The following BAIAP2L2 variants were observed in gnomAD, a reference collection of about 807,000 sequenced individuals.
BAIAP2L2 encodes BAR/IMD domain-containing adapter protein 2-like 2.
A neutral mutation model predicts 60.4 loss-of-function variants in BAIAP2L2; 65 were observed. The observed-to-expected ratio is 1.08, with a 90% CI of 0.88 to 1.32. The LOEUF (loss-of-function observed/expected upper bound fraction) is 1.32. Ranked by LOEUF, BAIAP2L2 falls within the 40% of genes most tolerant of loss-of-function variation. The probability of loss-of-function intolerance (pLI) is 0.00; values close to 1 mark genes in which losing one functional copy is unlikely to be tolerated. For synonymous variants in BAIAP2L2, 344 were observed against 301.7 expected, an observed-to-expected ratio of 1.14 and a Z score of -1.45; for missense variants, 836 against 741.2, an observed-to-expected ratio of 1.13 and a Z score of -1.48.
intron 4 of BAIAP2L2, among the ~76,000 whole-genome samples, chr22:38,104,612 C>T (rs771239341): frequency 4.6e-5 from 7 of 151,728 alleles, no homozygotes; most frequent in Non-Finnish European, 1.0e-4. Flanking sequence ...TCTCCTGCCT[C>T]AGCCTCCCGA....
chr22:38,089,183 A>G lies in BAIAP2L2; in HGVS notation c.814T>C (p.Ser272Pro). 4.7e-6 allele frequency: 6 copies of G among 1,268,056 alleles called. No homozygotes were observed. The highest frequency in any genetic ancestry group is 6.0e-6 in the Non-Finnish European group (6 of 1,007,752). 78.6% of individuals were successfully genotyped at this position (1,268,056 alleles called of 1,614,324 possible). Reference sequence around the variant, plus strand: ...TCGGGCTCGGTGCCGTAGGAGCCGGAGCCGTGCCGGCTGCGGGGGGAGCTG... The same window carrying G: ...TCGGGCTCGGTGCCGTAGGAGCCGGGGCCGTGCCGGCTGCGGGGGGAGCTG... ...EFSSPRSRHG[S>P]GSYGTEPDAR... The change falls in exon 9 of 14, where the codon TCC (serine) becomes CCC (proline). Residue 272 changes from serine (S) to proline (P), a missense_variant. Coordinates refer to ENST00000381669, the MANE Select transcript of BAIAP2L2 (RefSeq NM_025045.6).
At chr22:38,108,417 G>C (rs1376049698) in intron 2 of BAIAP2L2, 76 bp from the exon 3 acceptor site, 2 of 1,195,300 alleles carry the variant, frequency 1.7e-6, no homozygotes, top group Admixed American at 4.5e-5. Context: ...TCATCTGGAG[G>C]GGACTGTGTC....
At chr22:38,095,482 A>T (rs1015981609) in intron 7 of BAIAP2L2, among the ~76,000 whole-genome samples, 5 of 152,084 alleles carry the variant, frequency 3.3e-5, no homozygotes, top group Admixed American at 1.3e-4. Flanking sequence ...CTCCTGCCTC[A>T]GCCTCCTGAG....
intron 4 of BAIAP2L2, among the ~76,000 whole-genome samples, chr22:38,102,647 C>A (rs1186091008): frequency 6.6e-6 from 1 of 152,142 alleles, no homozygotes; most frequent in East Asian, 1.9e-4. Flanking sequence ...GATCCTAGCA[C>A]TTTGGGAGGC....
intron 2 of BAIAP2L2, among the ~76,000 whole-genome samples, chr22:38,108,864 G>A (rs746352888): frequency 1.2e-4 from 19 of 152,016 alleles, no homozygotes; most frequent in Non-Finnish European, 2.2e-4. Flanking sequence ...GGCCTGCAGG[G>A]CCTGGTACTG....
chr22:38,095,886 TAACTC>T (rs1049370674), intron 7 of BAIAP2L2, among the ~76,000 whole-genome samples: 17 of 152,228 alleles, frequency 1.1e-4, no homozygotes, highest in Non-Finnish European at 1.8e-4. Context: ...TATAGTATAA[TAACTC>T]AACCAAACTG....
At chr22:38,095,342 C>A (rs1027386816) in intron 7 of BAIAP2L2, among the ~76,000 whole-genome samples, 1 of 152,046 alleles carries the variant, frequency 6.6e-6, no homozygotes, top group African/African-American at 2.4e-5. Context: ...AGTTGGAGGG[C>A]AGGAAAATAC....
At chr22:38,110,757 C>T (rs1021563948), upstream of BAIAP2L2, 3 of 537,090 alleles carry the variant, frequency 5.6e-6, no homozygotes, top group Non-Finnish European at 9.9e-6. Flanking sequence ...GGGAAGGCAT[C>T]CTGTGCCGGG....
At chr22:38,097,208 G>A in intron 6 of BAIAP2L2, 30 bp from the exon 7 acceptor site, 1 of 1,605,882 alleles carries the variant, frequency 6.2e-7, no homozygotes. Context: ...CTGGCTGGGG[G>A]CGGTGGGTGT....
chr22:38,089,563 G>A lies in BAIAP2L2; in HGVS notation c.724C>T (p.Pro242Ser), dbSNP rs1393609958. Reference sequence around the variant, plus strand: ...GGCGTCAGGCGGCCCGAGGGGTAGGGCGGCCCCAGCGCGGGGCCCAGCAGG... The same window carrying A: ...GGCGTCAGGCGGCCCGAGGGGTAGGACGGCCCCAGCGCGGGGCCCAGCAGG... ...PGLLGPALGP[P>S]YPSGRLTPTC... The change falls in exon 8 of 14, where the codon CCC (proline) becomes TCC (serine). Residue 242 changes from proline to serine, a missense_variant. Physicochemically the swap from Pro to Ser is moderately conservative, Grantham distance 74 (BLOSUM62 -1). Coordinates refer to ENST00000381669, the MANE Select transcript of BAIAP2L2 (RefSeq NM_025045.6). The A allele has an allele frequency of 4.9e-6, 6 of 1,230,284 alleles. No homozygotes were observed. Among genetic ancestry groups the A allele is most frequent in the Admixed American group, 4.3e-5 (1 of 23,508 alleles). 76.2% of individuals were successfully genotyped at this position (1,230,284 alleles called of 1,614,324 possible).
chr22:38,098,031 C>CAA, intron 6 of BAIAP2L2, 32 bp downstream of exon 6: 25 of 919,474 alleles, frequency 2.7e-5, no homozygotes, highest in Non-Finnish European at 3.7e-5. Context: ...ACCCGCCCTT[C>CAA]CTGGCCCACC....
At chr22:38,099,148 G>A (rs948789110) in intron 4 of BAIAP2L2, among the ~76,000 whole-genome samples, 6 of 152,206 alleles carry the variant, frequency 3.9e-5, no homozygotes, top group Non-Finnish European at 7.4e-5. Context: ...CAGAAGCTTC[G>A]TCCTCATTCT....
At chr22:38,110,716 A>G (rs2086828054), upstream of BAIAP2L2, 3 of 573,532 alleles carry the variant, frequency 5.2e-6, no homozygotes, top group Non-Finnish European at 9.3e-6. Flanking sequence ...GGGATGTCAG[A>G]ATGTGATCTG....
At chr22:38,089,059 C>A (rs538835024) in intron 9 of BAIAP2L2, 37 bp downstream of exon 9, 6 of 1,382,182 alleles carry the variant, frequency 4.3e-6, no homozygotes, top group Non-Finnish European at 5.6e-6. Context: ...CCGCGCCTCT[C>A]CCGGCCCTCC....
Position 38,085,356 on chromosome 22 carries a change from T to C in BAIAP2L2, c.1534A>G (p.Thr512Ala). Residue 512 changes from threonine to alanine, a missense_variant, in exon 14 of 14, where the codon ACT (threonine) becomes GCT (alanine). Coordinates refer to ENST00000381669, the MANE Select transcript of BAIAP2L2 (RefSeq NM_025045.6). ...LFPRGTNPFA[T>A]VKLRPTITND... is the part of the protein sequence containing the mutation. ...GTGATGGTGGGACGAAGCTTGACAG[T>C]GGCAAAAGGATTTGTGCCCCTGTAG... 1.2e-6 allele frequency: 2 copies of C among 1,613,896 alleles called. No individual in the cohort carries two copies. Among genetic ancestry groups the C allele is most frequent in the Non-Finnish European group, 1.7e-6 (2 of 1,179,898 alleles).
intron 4 of BAIAP2L2, among the ~76,000 whole-genome samples, chr22:38,102,277 G>C (rs112714366): frequency 1.3e-5 from 2 of 152,132 alleles, no homozygotes; most frequent in African/African-American, 4.8e-5. Context: ...AGAGAATGCC[G>C]TGAGGAGGAT....
At chr22:38,098,362 G>A in intron 5 of BAIAP2L2, 49 bp downstream of exon 5, 1 of 1,571,446 alleles carries the variant, frequency 6.4e-7, no homozygotes, top group South Asian at 1.1e-5. Flanking sequence ...ATGGGAGAGG[G>A]GGTCCTGCCT....
chr22:38,094,149 GGGGAGT>G (rs1458396366), intron 7 of BAIAP2L2, among the ~76,000 whole-genome samples: 1 of 152,108 alleles, frequency 6.6e-6, no homozygotes, highest in Non-Finnish European at 1.5e-5. Flanking sequence ...CCTGGGGCTG[GGGGAGT>G]GGGAGGATTG....
intron 2 of BAIAP2L2, among the ~76,000 whole-genome samples, chr22:38,108,876 A>G (rs1354422534): frequency 6.6e-6 from 1 of 151,916 alleles, no homozygotes; most frequent in Non-Finnish European, 1.5e-5. Flanking sequence ...CTGGTACTGC[A>G]TCATGGGAGT....
Sources: allele counts gnomAD v4.1 joint callset (sites outside exome capture counted in the v4.1 genomes callset), GRCh38; gene constraint gnomAD v4.1.1; transcripts MANE v1.5; gene names NCBI Gene and HGNC (gene_info 2026-07-23, HGNC 2026-07-21).